The following HTT variants were observed in gnomAD, a reference collection of about 807,000 sequenced individuals.
The protein encoded by HTT is huntington disease protein.
HTT carries 104 observed loss-of-function variants against 362.3 expected under a neutral mutation model. That is an observed-to-expected ratio of 0.29 (90% CI 0.24 to 0.34). The LOEUF is 0.34. Ranked by LOEUF, HTT falls within the 10% of genes least tolerant of loss-of-function variation. HTT has a pLI of 1.00. For synonymous variants in HTT, 1,577 were observed against 1,548.7 expected, an observed-to-expected ratio of 1.02 and a Z score of -0.43; for missense variants, 3,301 against 3,928.6, an observed-to-expected ratio of 0.84 and a Z score of 4.27.
chr4:3,091,939 G>A (rs749459053), intron 2 of HTT, among the ~76,000 whole-genome samples: 3 of 152,124 alleles, frequency 2.0e-5, no homozygotes, highest in Non-Finnish European at 4.4e-5. Flanking sequence ...AATGATATTG[G>A]TGCAGTGCCC....
intron 41 of HTT, among the ~76,000 whole-genome samples, chr4:3,201,371 A>G (rs574624078): frequency 1.3e-5 from 2 of 152,240 alleles, no homozygotes; most frequent in South Asian, 4.1e-4. Flanking sequence ...TCTACTGAAA[A>G]TAACAAAAAT....
intron 39 of HTT, 134 bp downstream of exon 39, chr4:3,188,020 T>C (rs902603876): frequency 1.5e-5 from 9 of 619,298 alleles, no homozygotes; most frequent in African/African-American, 1.3e-4. Flanking sequence ...TGTATCAGTG[T>C]AATTTTCTAA....
Position 3,206,752 on chromosome 4 carries a change from T to G in HTT, c.5899-55T>G. 1.9e-6 allele frequency: 3 copies of G among 1,588,356 alleles called. No homozygotes were observed. Among genetic ancestry groups the G allele is most frequent in the Non-Finnish European group, 2.6e-6 (3 of 1,165,194 alleles). On this transcript the variant is annotated intron_variant, in intron 43 of 66. Coordinates refer to ENST00000355072, the MANE Select transcript of HTT (RefSeq NM_001388492.1). This position sits in a 1 kb window ranked among gnomAD's most constrained non-coding sequence, Gnocchi z 4.6. ...AAATGGAGTATTGAAATTTTTAACT[T>G]TAATTTCTGATTTGCAAAATAGTCA...
chr4:3,212,734 T>G lies in HTT; in HGVS notation c.6774+25T>G, dbSNP rs775748245. ...GGTAAGAGGCAGCTCGGGAGCTCAG[T>G]GTTGCTGTGGGGAGGGGGCATGGGG... is the stretch of plus-strand genomic sequence containing the variant. On this transcript the variant is annotated intron_variant, in intron 49 of 66. Transcript: ENST00000355072. 5.0e-6 allele frequency: 8 copies of G among 1,613,760 alleles called. No individual in the cohort carries two copies. In the South Asian group the frequency reaches 8.8e-5, roughly 18 times the overall value.
intron 12 of HTT, chr4:3,128,535 T>C (rs1448709405): frequency 6.6e-6 from 1 of 152,228 alleles, no homozygotes; most frequent in Non-Finnish European, 1.5e-5. Context: ...GAGCCTATTA[T>C]AAACAGATCT....
chr4:3,193,846 G>A (rs1719128656), intron 40 of HTT, among the ~76,000 whole-genome samples: 1 of 152,208 alleles, frequency 6.6e-6, no homozygotes, highest in Non-Finnish European at 1.5e-5. Flanking sequence ...TTTACTGGTG[G>A]GAGTGGAGGG....
At chr4:3,127,664 ACTC>A in intron 12 of HTT, 60 bp downstream of exon 12, 14 of 1,314,432 alleles carry the variant, frequency 1.1e-5, no homozygotes, top group Non-Finnish European at 1.4e-5. Flanking sequence ...ACAGAGTCTC[ACTC>A]CATAGTGCAG....
At chr4:3,230,135 C>A in intron 60 of HTT, 93 bp downstream of exon 60, 1 of 1,088,820 alleles carries the variant, frequency 9.2e-7, no homozygotes, top group Non-Finnish European at 1.4e-6. Context: ...CCGGGTGCGG[C>A]TGCCTCCTTC....
chr4:3,176,125 T>G (rs1718231918), intron 33 of HTT, among the ~76,000 whole-genome samples: 1 of 151,598 alleles, frequency 6.6e-6, no homozygotes, highest in Non-Finnish European at 1.5e-5. Context: ...CCTCAGAGGT[T>G]CACGCCATTC....
intron 33 of HTT, 93 bp downstream of exon 33, chr4:3,175,200 G>GTC (rs1002149033): frequency 1.5e-5 from 18 of 1,192,418 alleles, no homozygotes; most frequent in Non-Finnish European, 2.1e-5. Flanking sequence ...AAGAAATGTG[G>GTC]TCTGCATGTT....
chr4:3,107,531 T>C (rs1714496230), intron 6 of HTT, 108 bp downstream of exon 6: 5 of 1,086,866 alleles, frequency 4.6e-6, no homozygotes, highest in South Asian at 4.4e-5. Flanking sequence ...TCTTGGGGTA[T>C]GTTGTATGTC....
intron 12 of HTT, 134 bp downstream of exon 12, chr4:3,127,738 C>T (rs1715590012): frequency 6.1e-6 from 4 of 657,338 alleles, no homozygotes; most frequent in African/African-American, 1.8e-5. Context: ...CTGAGGCAGG[C>T]GGATCACTTG....
intron 1 of HTT, among the ~76,000 whole-genome samples, chr4:3,075,468 T>C (rs116501642): frequency 4.2e-4 from 64 of 152,134 alleles, no homozygotes; most frequent in African/African-American, 1.4e-3. Context: ...TTTAACTGCG[T>C]TGTGAAGAGA....
At position 3,232,761 on chromosome 4, in the gene HTT, A is replaced by G. The variant is rs187189694; in HGVS notation, c.8266-402A>G. 2.1e-3 allele frequency among the ~76,000 whole-genome samples: 317 copies of G among 152,384 alleles called. 2 individuals are homozygous for G. The highest frequency in any genetic ancestry group is 7.4e-3 in the African/African-American group (307 of 41,604). On this transcript the variant is annotated intron_variant, in intron 60 of 66. Transcript: ENST00000355072. ...GTGCAGGACGCACTTAACTCCCCGC[A>G]CAGTGAGCCGTGACAGCGCGTGTGC...
At chr4:3,086,310 G>C (rs1443866847) in intron 1 of HTT, among the ~76,000 whole-genome samples, 3 of 152,186 alleles carry the variant, frequency 2.0e-5, no homozygotes, top group Admixed American at 2.0e-4. Flanking sequence ...AATGCTGGCT[G>C]TATGACTTCA....
intron 61 of HTT, among the ~76,000 whole-genome samples, chr4:3,234,036 T>G (rs1721399250): frequency 6.6e-6 from 1 of 152,094 alleles, no homozygotes; most frequent in Non-Finnish European, 1.5e-5. Context: ...ATGGGGGAGT[T>G]GAGGGCAAGA....
intron 27 of HTT, among the ~76,000 whole-genome samples, chr4:3,155,085 C>T (rs1277472134): frequency 6.6e-6 from 1 of 152,068 alleles, no homozygotes; most frequent in South Asian, 2.1e-4. Context: ...ATCTGGGACG[C>T]CTGGCCACCT....
chr4:3,236,167 C>T lies in HTT; in HGVS notation c.8804C>T (p.Pro2935Leu), dbSNP rs775608493. ...CMYTGKEKVS[P>L]GRTSDPNPAA... ...GTTACAGGAAAGGAGAAAGTCAGTC[C>T]GGGTAGAACTTCAGACCCTAATCCT... The change falls in exon 64 of 67, where the codon CCG (proline) becomes CTG (leucine). Residue 2935 changes from proline (P) to leucine (L), a missense_variant. Pro to Leu is a moderately conservative substitution (Grantham distance 98). Coordinates refer to ENST00000355072, the MANE Select transcript of HTT (RefSeq NM_001388492.1). 1.1e-5 allele frequency: 18 copies of T among 1,613,708 alleles called. No homozygotes were observed. The highest frequency in any genetic ancestry group is 5.5e-5 in the South Asian group (5 of 91,082).
intron 1 of HTT, among the ~76,000 whole-genome samples, chr4:3,075,603 G>A (rs1382481508): frequency 6.9e-6 from 1 of 144,070 alleles, no homozygotes; most frequent in Non-Finnish European, 1.5e-5. Context: ...TGGGGGCAGT[G>A]GATGACATAA....
Sources: allele counts gnomAD v4.1 joint callset (sites outside exome capture counted in the v4.1 genomes callset), GRCh38; gene constraint gnomAD v4.1.1; non-coding constraint Gnocchi (gnomAD v3.1); transcripts MANE v1.5; gene names NCBI Gene and HGNC (gene_info 2026-07-23, HGNC 2026-07-21).